Variants in RPRD2 observed in about 807,000 individuals in gnomAD.
RPRD2 encodes regulation of nuclear pre-mRNA domain-containing protein 2.
A neutral mutation model predicts 104.4 loss-of-function variants in RPRD2; 12 were observed. The observed-to-expected ratio is 0.11, with a 90% CI of 0.07 to 0.19. RPRD2 has a LOEUF of 0.19. Among genes scored for constraint, RPRD2 ranks in the 10% least tolerant of loss-of-function variants. RPRD2 has a pLI of 1.00. For missense variants in RPRD2, 1,543 were observed against 1,790.1 expected (o/e 0.86, Z 2.49); for synonymous variants, 714 against 684.9 (o/e 1.04, Z -0.66).
chr1:150,366,625 A>G (rs1659863962), intron 1 of RPRD2, among the ~76,000 whole-genome samples: 1 of 152,198 alleles, frequency 6.6e-6, no homozygotes, highest in Non-Finnish European at 1.5e-5. Context: ...TTTACAAACG[A>G]GGAAACTAAG....
chr1:150,387,567 CTTTTTTTTTTTTTTTTTTTTTTTTTTTT>C (rs562476167), intron 1 of RPRD2, among the ~76,000 whole-genome samples: 1 of 73,744 alleles, frequency 1.4e-5, no homozygotes, highest in African/African-American at 5.8e-5. Flanking sequence ...TGCAACAGAC[CTTTTTTTTTTTTTTTTTTTTTTTTTTTT>C]TTTTTTTTTT....
rs34187447 is a variant in RPRD2, at chr1:150,432,628, T to TAAA, written c.336-8285_336-8283dup. 4.5e-3 allele frequency among the ~76,000 whole-genome samples: 506 copies of TAAA among 113,422 alleles called. 2 individuals carry two copies. The highest frequency in any genetic ancestry group is 0.017 in the East Asian group (60 of 3,602). The allele number at this position is 113,422 out of a possible 152,430, so 74.4% of individuals were successfully genotyped here. On this transcript the variant is annotated intron_variant, in intron 2 of 10. Coordinates refer to ENST00000369068, the MANE Select transcript of RPRD2 (RefSeq NM_015203.5). ...ATATTTAATCACAATAAGAAAATGA[T>TAAA]AAAAAAAAAAAAGCCAAAAAAAAAA... is the stretch of plus-strand genomic sequence containing the variant.
intron 2 of RPRD2, among the ~76,000 whole-genome samples, chr1:150,433,602 G>T (rs1017176627): frequency 1.3e-5 from 2 of 148,892 alleles, no homozygotes; most frequent in African/African-American, 4.9e-5. Context: ...CCGCCACAAC[G>T]CCCAGCTAAT....
Position 150,473,239 on chromosome 1 carries a change from G to A in RPRD2, c.4291G>A (p.Asp1431Asn), listed in dbSNP as rs1231479960. ...FRPREPFLSR[D>N]PFHSLKRPRP... is the part of the protein sequence containing the mutation. Reference sequence around the variant, plus strand: ...GCCTAGGGAACCTTTTCTCAGCAGAGACCCATTTCACAGTTTAAAGAGACC... The same window carrying A: ...GCCTAGGGAACCTTTTCTCAGCAGAAACCCATTTCACAGTTTAAAGAGACC... Residue 1431 changes from aspartate (D) to asparagine (N), a missense_variant, in exon 11 of 11, where the codon GAC (aspartate) becomes AAC (asparagine). By Grantham distance (23) the Asp-to-Asn change is conservative (BLOSUM62 1). This residue lies in a region of RPRD2 where 880 missense variants were observed against 885.6 expected (regional missense o/e 0.99). Transcript: ENST00000369068. 6.2e-7 allele frequency: 1 copy of A among 1,613,820 alleles called. No homozygotes were observed. Among genetic ancestry groups the A allele is most frequent in the Non-Finnish European group, 8.5e-7 (1 of 1,179,870 alleles).
intron 7 of RPRD2, among the ~76,000 whole-genome samples, chr1:150,457,018 G>A (rs1326328032): frequency 3.9e-5 from 6 of 151,962 alleles, no homozygotes; most frequent in South Asian, 4.1e-4. Context: ...GAGGCCAGGA[G>A]TTCGAGACCA....
At chr1:150,414,399 A>G (rs888493908) in intron 1 of RPRD2, among the ~76,000 whole-genome samples, 6 of 152,232 alleles carry the variant, frequency 3.9e-5, no homozygotes, top group Non-Finnish European at 8.8e-5. Context: ...AACAAGTGAC[A>G]GAGCCAGAAA....
intron 1 of RPRD2, among the ~76,000 whole-genome samples, chr1:150,406,860 A>C (rs1457411386): frequency 6.6e-6 from 1 of 152,130 alleles, no homozygotes; most frequent in African/African-American, 2.4e-5. Context: ...GATTACAAGC[A>C]TGTGCTACCA....
intron 1 of RPRD2, among the ~76,000 whole-genome samples, chr1:150,394,479 A>G (rs1251888303): frequency 6.6e-6 from 1 of 152,180 alleles, no homozygotes; most frequent in Non-Finnish European, 1.5e-5. Flanking sequence ...AGAGAACTAA[A>G]TGTTGTATAT....
At chr1:150,454,112 A>G (rs1014316674) in intron 7 of RPRD2, among the ~76,000 whole-genome samples, 8 of 152,154 alleles carry the variant, frequency 5.3e-5, no homozygotes, top group Non-Finnish European at 1.2e-4. Flanking sequence ...TTCCCTCTCA[A>G]GCAGCTTCAG....
chr1:150,472,099 G>C lies in RPRD2; in HGVS notation c.3151G>C (p.Ala1051Pro). 1 of 1,613,808 alleles carries C rather than the reference G, an allele frequency of 6.2e-7. No homozygotes were observed. Among genetic ancestry groups the C allele is most frequent in the Non-Finnish European group, 8.5e-7 (1 of 1,179,898 alleles). Residue 1051 changes from alanine (A) to proline (P), a missense_variant, in exon 11 of 11, where the codon GCC becomes CCC. Physicochemically the swap from Ala to Pro is conservative, Grantham distance 27 (BLOSUM62 -1). Transcript: ENST00000369068. ...AAACCTCACCCAACCCAGCTTGACC[G>C]CCACTGATCAGCAGCAACAAGAAGA... ...LSNLTQPSLT[A>P]TDQQQQEEHY...
intron 5 of RPRD2, 50 bp from the exon 6 acceptor site, chr1:150,444,201 G>A (rs183420574): frequency 4.9e-5 from 77 of 1,564,886 alleles, no homozygotes; most frequent in Admixed American, 1.3e-4. Context: ...GAGAGAATGA[G>A]AATAATTGAA....
chr1:150,412,438 T>G (rs891077349), intron 1 of RPRD2, among the ~76,000 whole-genome samples: 1 of 152,134 alleles, frequency 6.6e-6, no homozygotes, highest in Non-Finnish European at 1.5e-5. Flanking sequence ...CTGACATGAG[T>G]TAAATTTAAA....
At chr1:150,365,070 C>T (rs1270829058) in intron 1 of RPRD2, among the ~76,000 whole-genome samples, 151 bp downstream of exon 1, 2 of 152,238 alleles carry the variant, frequency 1.3e-5, no homozygotes, top group Non-Finnish European at 2.9e-5. Flanking sequence ...ACCCAGACTC[C>T]ATTCCTAGCC....
chr1:150,443,950 G>A (rs149608182), intron 5 of RPRD2, among the ~76,000 whole-genome samples: 3,754 of 152,088 alleles, frequency 0.025, 150 homozygotes, highest in African/African-American at 0.085. Context: ...CCCGGGAGGC[G>A]GAGCTTGCAG....
At chr1:150,461,449 T>C (rs1358217918) in intron 9 of RPRD2, among the ~76,000 whole-genome samples, 1 of 152,224 alleles carries the variant, frequency 6.6e-6, no homozygotes, top group East Asian at 1.9e-4. Context: ...TTTTTATGAA[T>C]CATTAAATAT....
At chr1:150,445,061 C>CCAAGCTGCTTGGGAGG (rs1666668030) in intron 6 of RPRD2, among the ~76,000 whole-genome samples, 1 of 152,150 alleles carries the variant, frequency 6.6e-6, no homozygotes, top group Admixed American at 6.5e-5. Flanking sequence ...GTGGCACACA[C>CCAAGCTGCTTGGGAGG]CTGTAGTCCT....
intron 2 of RPRD2, among the ~76,000 whole-genome samples, chr1:150,427,432 C>T (rs965731465): frequency 2.0e-5 from 3 of 149,978 alleles, no homozygotes; most frequent in Admixed American, 2.0e-4. Flanking sequence ...GAGATTGCCC[C>T]ACTGCACTCC....
intron 1 of RPRD2, among the ~76,000 whole-genome samples, chr1:150,372,000 AAG>A (rs1439185869): frequency 1.3e-5 from 2 of 152,204 alleles, no homozygotes; most frequent in African/African-American, 4.8e-5. Context: ...TAATTAAAAA[AAG>A]GGAAAAAAAT....
chr1:150,431,812 G>A (rs12145967), intron 2 of RPRD2, among the ~76,000 whole-genome samples: 33,710 of 151,840 alleles, frequency 0.22, 4,259 homozygotes, highest in African/African-American at 0.32. Context: ...ACATGCCGCA[G>A]CATGGGTGAA....
Sources: gnomAD v4.1 joint callset for allele counts (sites outside exome capture counted in the v4.1 genomes callset) on GRCh38, gnomAD v4.1.1 for gene constraint, gnomAD v4.1.1 regional missense constraint, MANE v1.5 for transcripts, NCBI Gene and HGNC (gene_info 2026-07-23, HGNC 2026-07-21) for gene names.